Variants in IL1RN observed in about 807,000 individuals in gnomAD.
The protein encoded by IL1RN is interleukin 1 receptor antagonist.
In IL1RN, 10 loss-of-function variants were observed where a neutral mutation model predicts 13.7. The ratio of observed to expected loss-of-function variants is 0.73; its 90% CI spans 0.45 to 1.24. IL1RN has a LOEUF of 1.24. IL1RN is among the 50% of genes most tolerant of loss of function. The pLI, the probability that IL1RN is intolerant of heterozygous loss-of-function variation, is 0.00. For synonymous variants in IL1RN, 102 were observed against 82.7 expected (o/e 1.23, Z -1.27); for missense variants, 213 against 222.1 (o/e 0.96, Z 0.26).
At chr2:113,123,688 T>G (rs1246669351), upstream of IL1RN, among the ~76,000 whole-genome samples, 2 of 152,184 alleles carry the variant, frequency 1.3e-5, no homozygotes, top group African/African-American at 4.8e-5. Context: ...TTTAGGCACA[T>G]GCAAGATGAC....
At chr2:113,113,210 T>C (rs1290617543), upstream of IL1RN, 1 of 152,204 alleles carries the variant, frequency 6.6e-6, no homozygotes, top group Non-Finnish European at 1.5e-5. Context: ...GAAATTGTGG[T>C]ATATACATAC....
In IL1RN at chr2:113,132,781, A is replaced by G. The variant is rs779510659; in HGVS notation, c.444A>G (p.Thr148=). 5 of 1,614,128 alleles carry G rather than the reference A, an allele frequency of 3.1e-6. No individual in the cohort carries two copies. The South Asian group carries it at 4.4e-5, about 14-fold the overall frequency. ...SAACPGWFLC[T]AMEADQPVSL... is the part of the protein sequence containing the mutation. ...CCTGCCCCGGTTGGTTCCTCTGCAC[A>G]GCGATGGAAGCTGACCAGCCCGTCA... is the stretch of plus-strand genomic sequence containing the variant. Residue 148 remains threonine (T), a synonymous_variant, in exon 4 of 4, where the codon ACA becomes ACG. Coordinates refer to ENST00000409930, the MANE Select transcript of IL1RN (RefSeq NM_173842.3).
the IL1RN span, among the ~76,000 whole-genome samples, chr2:113,100,522 G>A: frequency 5.3e-5 from 8 of 152,194 alleles, no homozygotes; most frequent in Admixed American, 5.2e-4. Context: ...CCACAGCTAT[G>A]AGGTTGACCT....
upstream of IL1RN, among the ~76,000 whole-genome samples, chr2:113,126,356 T>C (rs1251723758): frequency 6.6e-6 from 1 of 152,214 alleles, no homozygotes; most frequent in East Asian, 1.9e-4. Flanking sequence ...CAGCAAGCTG[T>C]GTGACCTTGG....
chr2:113,121,234 A>G (rs917396959), intron 2 of IL1RN, among the ~76,000 whole-genome samples: 1 of 152,258 alleles, frequency 6.6e-6, no homozygotes, highest in Non-Finnish European at 1.5e-5. Context: ...TAGACAGAGT[A>G]GCCTGAACCT....
upstream of IL1RN, among the ~76,000 whole-genome samples, chr2:113,113,304 T>C (rs1374967042): frequency 1.3e-5 from 2 of 152,044 alleles, no homozygotes; most frequent in Non-Finnish European, 2.9e-5. Flanking sequence ...TTATGCTGAG[T>C]GAAATAAGAC....
rs1450329836 is a variant in IL1RN, at chr2:113,133,488, C to A, written c.*617C>A. ...AAGTGGTAGCTTTTCCCTTCTTTTT[C>A]TTCTTTTTTTGTGATGTCCCAACTT... On this transcript the variant is annotated 3_prime_UTR_variant, in exon 4 of 4. Coordinates refer to ENST00000409930, the MANE Select transcript of IL1RN (RefSeq NM_173842.3). 6.4e-6 allele frequency: 1 copy of A among 156,998 alleles called. No homozygotes were observed. The highest frequency in any genetic ancestry group is 1.4e-5 in the Non-Finnish European group (1 of 70,824). 9.7% of individuals were successfully genotyped at this position (156,998 alleles called of 1,614,324 possible). A position where few individuals can be genotyped will look rare whatever the true frequency, so the allele number is the denominator to read the frequency against.
upstream of IL1RN, among the ~76,000 whole-genome samples, chr2:113,110,511 T>A (rs529618004): frequency 6.6e-6 from 1 of 152,252 alleles, no homozygotes; most frequent in South Asian, 2.1e-4. Flanking sequence ...TAGAAACAGA[T>A]TTCAATGCTG....
At chr2:113,103,383 TC>T (rs1686343000), upstream of IL1RN, among the ~76,000 whole-genome samples, 1 of 152,228 alleles carries the variant, frequency 6.6e-6, no homozygotes, top group African/African-American at 2.4e-5. Context: ...TCCTGGAGTA[TC>T]CAGTTGTGTC....
chr2:113,099,723 C>CTTTTTTTT, the IL1RN span, among the ~76,000 whole-genome samples: 49 of 72,216 alleles, frequency 6.8e-4, 5 homozygotes, highest in Non-Finnish European at 1.1e-3. Context: ...CCTCTTCTTT[C>CTTTTTTTT]TTTTCTTTTT....
chr2:113,118,161 G>T (rs1686643609), intron 1 of IL1RN: 12 of 1,406,108 alleles, frequency 8.5e-6, no homozygotes, highest in East Asian at 4.7e-5. Flanking sequence ...GGAGCTCCAG[G>T]CCTGTCTGGG....
At position 113,132,722 on chromosome 2, in the gene IL1RN, G is replaced by C; in HGVS notation, c.385G>C (p.Asp129His). 6.2e-7 allele frequency: 1 copy of C among 1,614,248 alleles called. No homozygotes were observed. The highest frequency in any genetic ancestry group is 8.5e-7 in the Non-Finnish European group (1 of 1,180,040). ...CAAGCGCTTCGCCTTCATCCGCTCA[G>C]ACAGTGGCCCCACCACCAGTTTTGA... ...QDKRFAFIRS[D>H]SGPTTSFESA... The change falls in exon 4 of 4, where the codon GAC becomes CAC. Residue 129 changes from aspartate to histidine, a missense_variant. By Grantham distance (81) the Asp-to-His change is moderately conservative (BLOSUM62 -1). Coordinates refer to ENST00000409930, the MANE Select transcript of IL1RN (RefSeq NM_173842.3).
At chr2:113,118,506 T>A (rs1686656753) in intron 1 of IL1RN, among the ~76,000 whole-genome samples, 1 of 152,200 alleles carries the variant, frequency 6.6e-6, no homozygotes, top group Admixed American at 6.5e-5. Flanking sequence ...TTCCACCAGT[T>A]GTCACAAGAG....
At chr2:113,108,736 G>T (rs1235441474), upstream of IL1RN, among the ~76,000 whole-genome samples, 1 of 152,134 alleles carries the variant, frequency 6.6e-6, no homozygotes, top group African/African-American at 2.4e-5. Flanking sequence ...GTAAAAAATG[G>T]TGAGGAAGAA....
At position 113,132,862 on chromosome 2, in the gene IL1RN, G is replaced by A; in HGVS notation, c.525G>A (p.Glu175=). The change falls in exon 4 of 4, where the codon GAG becomes GAA. Residue 175 remains glutamate, a synonymous_variant. Coordinates refer to ENST00000409930, the MANE Select transcript of IL1RN (RefSeq NM_173842.3). ...TGGTCACCAAATTCTACTTCCAGGA[G>A]GACGAGTAGTACTGCCCAGGCCTGC... ...GVMVTKFYFQ[E]DE 1 of 1,614,128 alleles carries A rather than the reference G, an allele frequency of 6.2e-7. No homozygotes were observed. The highest frequency in any genetic ancestry group is 1.1e-5 in the South Asian group (1 of 91,074).
At position 113,132,809 on chromosome 2, in the gene IL1RN, C is replaced by T; in HGVS notation, c.472C>T (p.Leu158Phe). ...GATGGAAGCTGACCAGCCCGTCAGC[C>T]TCACCAATATGCCTGACGAAGGCGT... ...TAMEADQPVS[L>F]TNMPDEGVMV... Residue 158 changes from leucine (L) to phenylalanine (F), a missense_variant, in exon 4 of 4, where the codon CTC becomes TTC. By Grantham distance (22) the Leu-to-Phe change is conservative. Coordinates refer to ENST00000409930, the MANE Select transcript of IL1RN (RefSeq NM_173842.3). 6.2e-7 allele frequency: 1 copy of T among 1,614,258 alleles called. No homozygotes were observed. Among genetic ancestry groups the T allele is most frequent in the Non-Finnish European group, 8.5e-7 (1 of 1,180,044 alleles).
chr2:113,124,094 C>T (rs1360589745), upstream of IL1RN, among the ~76,000 whole-genome samples: 1 of 152,150 alleles, frequency 6.6e-6, no homozygotes, highest in East Asian at 1.9e-4. Context: ...CTCCTGTTGT[C>T]TCTAGTGTCT....
At chr2:113,102,181 G>A in the IL1RN span, among the ~76,000 whole-genome samples, 1 of 152,206 alleles carries the variant, frequency 6.6e-6, no homozygotes. Flanking sequence ...AGTTCTGGAG[G>A]CTGTGATCAA....
upstream of IL1RN, among the ~76,000 whole-genome samples, chr2:113,109,603 A>G (rs1686459604): frequency 6.7e-6 from 1 of 148,966 alleles, no homozygotes; most frequent in Admixed American, 6.8e-5. Flanking sequence ...AAGGGATGGA[A>G]GAACACAGTC....
Sources: gnomAD v4.1 joint callset for allele counts (sites outside exome capture counted in the v4.1 genomes callset) on GRCh38, gnomAD v4.1.1 for gene constraint, MANE v1.5 for transcripts, NCBI Gene and HGNC (gene_info 2026-07-23, HGNC 2026-07-21) for gene names.